ITGB6: variants seen among roughly 807,000 people sequenced by gnomAD.
ITGB6 encodes the protein integrin subunit beta 6, also known as integrin beta-6.
Under a neutral mutation model 84.5 loss-of-function variants are expected in ITGB6, and 80 were observed. The observed-to-expected ratio is 0.95, with a 90% confidence interval of 0.79 to 1.14. ITGB6 has a LOEUF of 1.14. Among genes scored for constraint, ITGB6 ranks in the 50% most tolerant of loss-of-function variants. The pLI is 0.00. For synonymous variants in ITGB6, 383 were observed against 354.9 expected, an observed-to-expected ratio of 1.08 and a Z score of -0.89; for missense variants, 1,006 against 968.0, an observed-to-expected ratio of 1.04 and a Z score of -0.52.
At chr2:160,192,363 A>G (rs1342820238) in intron 4 of ITGB6, among the ~76,000 whole-genome samples, 1 of 152,166 alleles carries the variant, frequency 6.6e-6, no homozygotes, top group African/African-American at 2.4e-5. Flanking sequence ...AGATAACTCA[A>G]TGTGGAAAAG....
chr2:160,180,907 C>A (rs979026647), intron 4 of ITGB6, among the ~76,000 whole-genome samples: 1 of 152,288 alleles, frequency 6.6e-6, no homozygotes, highest in East Asian at 1.9e-4. Context: ...CCTCCCCTAG[C>A]CAAGGGAAGC....
chr2:160,159,140 C>T (rs923781004), intron 7 of ITGB6, among the ~76,000 whole-genome samples: 1 of 151,694 alleles, frequency 6.6e-6, no homozygotes, highest in Non-Finnish European at 1.5e-5. Flanking sequence ...GGCCCCAGCC[C>T]AGACCTCTTG....
At chr2:160,124,351 A>G (rs1683153172) in intron 11 of ITGB6, among the ~76,000 whole-genome samples, 1 of 152,192 alleles carries the variant, frequency 6.6e-6, no homozygotes, top group Non-Finnish European at 1.5e-5. Flanking sequence ...TTATATGATT[A>G]TTTTCACAAT....
chr2:160,170,094 C>T lies in ITGB6; in HGVS notation c.922-787G>A, dbSNP rs1225197615. 2.0e-5 allele frequency among the ~76,000 whole-genome samples: 3 copies of T among 151,486 alleles called. No individual in the cohort carries two copies. In the South Asian group the frequency reaches 6.2e-4, roughly 31 times the overall value. On this transcript the variant is annotated intron_variant, in intron 6 of 14. Coordinates refer to ENST00000283249, the MANE Select transcript of ITGB6 (RefSeq NM_000888.5). ...GAGGAAACTCAAGTGAGGTACTAGC[C>T]TGCTAACAATTAAATTAAGAATATG...
At chr2:160,189,205 A>C (rs1472169672) in intron 4 of ITGB6, among the ~76,000 whole-genome samples, 1 of 152,252 alleles carries the variant, frequency 6.6e-6, no homozygotes, top group Non-Finnish European at 1.5e-5. Context: ...AATTAATTCA[A>C]GATGGATTAA....
At chr2:160,154,228 A>T (rs1456094480) in intron 7 of ITGB6, among the ~76,000 whole-genome samples, 1 of 152,258 alleles carries the variant, frequency 6.6e-6, no homozygotes, top group Admixed American at 6.5e-5. Context: ...TGTGGCACAT[A>T]TACACCATGG....
At chr2:160,128,162 C>T (rs960619410) in intron 10 of ITGB6, among the ~76,000 whole-genome samples, 2 of 151,664 alleles carry the variant, frequency 1.3e-5, no homozygotes, top group Admixed American at 6.6e-5. Flanking sequence ...CTAATGAATA[C>T]TACTACTAAT....
intron 4 of ITGB6, among the ~76,000 whole-genome samples, chr2:160,182,847 T>C (rs1685739799): frequency 6.6e-6 from 1 of 152,138 alleles, no homozygotes; most frequent in Non-Finnish European, 1.5e-5. Flanking sequence ...TCAACATTCT[T>C]AAAGAAAAGA....
intron 10 of ITGB6, among the ~76,000 whole-genome samples, chr2:160,126,809 G>A (rs1424457864): frequency 6.6e-6 from 1 of 152,138 alleles, no homozygotes; most frequent in African/African-American, 2.4e-5. Context: ...CTTAGATCTG[G>A]TCTCCTAACT....
rs764161553 is a variant in ITGB6 at position 160,112,085 on chromosome 2, T to C, written c.2096A>G (p.Glu699Gly). The C allele has an allele frequency of 2.5e-6, 4 of 1,612,212 alleles. No individual in the cohort carries two copies. Among genetic ancestry groups the C allele is most frequent in the Middle Eastern group, 1.6e-4 (1 of 6,076 alleles). Residue 699 changes from glutamate (E) to glycine (G), a missense_variant, in exon 13 of 15, where the codon GAA becomes GGA. Coordinates refer to ENST00000283249, the MANE Select transcript of ITGB6 (RefSeq NM_000888.5). ...EGKTIIHSIN[E>G]KDCPKPPNIP... The stretch of plus-strand genomic sequence containing the variant: ...ATGGAAGGCAAAACACCCACCTTTT[T>C]CATTGATGCTGTGAATGATGGTTTT...
intron 14 of ITGB6, 85 bp from the exon 15 acceptor site, chr2:160,101,919 G>A (rs1696737654): frequency 1.3e-6 from 1 of 741,646 alleles, no homozygotes; most frequent in South Asian, 1.6e-5. Flanking sequence ...TGGAAGAGGA[G>A]AGTCAAGCTC....
At chr2:160,153,769 A>C (rs1200520727) in intron 7 of ITGB6, among the ~76,000 whole-genome samples, 1 of 152,212 alleles carries the variant, frequency 6.6e-6, no homozygotes, top group Non-Finnish European at 1.5e-5. Context: ...ACAAGTGGAC[A>C]AAGGATATGA....
chr2:160,126,993 C>T (rs982520780), intron 10 of ITGB6, among the ~76,000 whole-genome samples: 2 of 152,140 alleles, frequency 1.3e-5, no homozygotes, highest in African/African-American at 4.8e-5. Flanking sequence ...TACCCTTCTC[C>T]CTTTGGAATT....
At position 160,195,590 on chromosome 2, in the gene ITGB6, A is replaced by T. The variant is rs765295259; in HGVS notation, c.372T>A (p.His124Gln). ...RPGGAQTLQV[H>Q]VRQTEDYPVD... Reference sequence around the variant, plus strand: ...CCGGGTAGTCCTCAGTCTGGCGGACATGCACCTGCAGAGTCTGCGCACCAC... The same window carrying T: ...CCGGGTAGTCCTCAGTCTGGCGGACTTGCACCTGCAGAGTCTGCGCACCAC... The change falls in exon 4 of 15, where the codon CAT becomes CAA. Residue 124 changes from histidine (H) to glutamine (Q), a missense_variant. Coordinates refer to ENST00000283249, the MANE Select transcript of ITGB6 (RefSeq NM_000888.5). 6.2e-7 allele frequency: 1 copy of T among 1,614,102 alleles called. No homozygotes were observed. Among genetic ancestry groups the T allele is most frequent in the Admixed American group, 1.7e-5 (1 of 60,020 alleles).
intron 7 of ITGB6, among the ~76,000 whole-genome samples, chr2:160,150,176 T>G (rs935566852): frequency 4.6e-5 from 7 of 152,038 alleles, no homozygotes; most frequent in Non-Finnish European, 1.0e-4. Context: ...AAAGTTGAAA[T>G]GAATGAAAAA....
intron 7 of ITGB6, among the ~76,000 whole-genome samples, chr2:160,146,094 CCATGTGAGGCATGCCCCT>C (rs1368037007): frequency 6.6e-6 from 1 of 152,084 alleles, no homozygotes; most frequent in Non-Finnish European, 1.5e-5. Flanking sequence ...TTGATATAGA[CCATGTGAGGCATGCCCCT>C]CATTTGAGGC....
intron 4 of ITGB6, among the ~76,000 whole-genome samples, chr2:160,194,171 C>A (rs1194110538): frequency 1.3e-5 from 2 of 151,992 alleles, no homozygotes; most frequent in African/African-American, 4.8e-5. Flanking sequence ...CAAAACAAAA[C>A]AAAACACAAA....
At chr2:160,111,429 G>A (rs893328936) in intron 13 of ITGB6, among the ~76,000 whole-genome samples, 4 of 151,854 alleles carry the variant, frequency 2.6e-5, no homozygotes, top group African/African-American at 4.8e-5. Flanking sequence ...CCTAATGAAC[G>A]GCCACAAGAC....
At chr2:160,167,695 A>T (rs974294642) in intron 7 of ITGB6, among the ~76,000 whole-genome samples, 1 of 152,206 alleles carries the variant, frequency 6.6e-6, no homozygotes, top group Non-Finnish European at 1.5e-5. Context: ...CTGTTTTGCC[A>T]TGTAGTTATT....
Sources: gnomAD v4.1 joint callset for allele counts (sites outside exome capture counted in the v4.1 genomes callset) on GRCh38, gnomAD v4.1.1 for gene constraint, MANE v1.5 for transcripts, NCBI Gene and HGNC (gene_info 2026-07-23, HGNC 2026-07-21) for gene names.